Variants in PLIN5 observed in about 807,000 individuals in gnomAD.
The protein encoded by PLIN5 is perilipin 5.
In PLIN5, 34 loss-of-function variants were observed where a neutral mutation model predicts 32.8. That is an observed-to-expected ratio of 1.04 (90% CI 0.79 to 1.38). The LOEUF is 1.38. Among genes scored for constraint, PLIN5 ranks in the 40% most tolerant of loss-of-function variants. The pLI is 0.00. For missense variants in PLIN5, 712 were observed against 660.5 expected (o/e 1.08, Z -0.85); for synonymous variants, 309 against 292.9 (o/e 1.05, Z -0.56).
rs1976766135 is a variant in PLIN5, at chr19:4,523,946, G to A, written c.974C>T (p.Ala325Val). 1 of 1,529,928 alleles carries A rather than the reference G, an allele frequency of 6.5e-7. No individual in the cohort carries two copies. Among genetic ancestry groups the A allele is most frequent in the Non-Finnish European group, 8.7e-7 (1 of 1,146,108 alleles). 94.8% of individuals were successfully genotyped at this position (1,529,928 alleles called of 1,614,324 possible). ...KVAEVRRSVD[A>V]LQTAFADARC... Reference sequence around the variant, plus strand: ...GGCATCAGCGAAGGCGGTCTGCAGGGCATCCACACTGCGCCGCACCTCAGC... The same window carrying A: ...GGCATCAGCGAAGGCGGTCTGCAGGACATCCACACTGCGCCGCACCTCAGC... The change falls in exon 8 of 8, where the codon GCC becomes GTC. Residue 325 changes from alanine to valine, a missense_variant. By Grantham distance (64) the Ala-to-Val change is moderately conservative (BLOSUM62 0). Coordinates refer to ENST00000381848, the MANE Select transcript of PLIN5 (RefSeq NM_001013706.3). The surrounding 1 kb of genome is among the most constrained non-coding windows in gnomAD (Gnocchi z 5.0).
chr19:4,523,993 G>T lies in PLIN5; in HGVS notation c.927C>A (p.Pro309=). 12 of 1,524,584 alleles carry T rather than the reference G, an allele frequency of 7.9e-6. No homozygotes were observed. The highest frequency in any genetic ancestry group is 1.0e-5 in the Non-Finnish European group (12 of 1,143,296). 94.4% of individuals were successfully genotyped at this position (1,524,584 alleles called of 1,614,324 possible). ...CAGCCACCTTCTCCTGGGCGCCGGC[G>T]GGCAGGCCCCGCACGCTGGACTCCA... ...EALESSVRGL[P]AGAQEKVAEV... Residue 309 remains proline, a synonymous_variant, in exon 8 of 8, where the codon CCC becomes CCA. Transcript: ENST00000381848. This position sits in a 1 kb window ranked among gnomAD's most constrained non-coding sequence, Gnocchi z 5.0.
chr19:4,529,725 C>A, intron 4 of PLIN5, 59 bp downstream of exon 4: 31 of 1,141,844 alleles, frequency 2.7e-5, no homozygotes, highest in African/African-American at 4.6e-5. Flanking sequence ...CTCCCTCCCT[C>A]CCGCCTCTAA....
Position 4,524,102 on chromosome 19 carries a change from C to A in PLIN5, c.835-17G>T, listed in dbSNP as rs1339113485. 3 of 1,398,850 alleles carry A rather than the reference C, an allele frequency of 2.1e-6. No individual in the cohort carries two copies. The South Asian group carries it at 4.7e-5, about 22-fold the overall frequency. The allele number at this position is 1,398,850 out of a possible 1,614,324, so 86.7% of individuals were successfully genotyped here. On this transcript the variant is annotated splice_polypyrimidine_tract_variant and intron_variant, in intron 7 of 7. Transcript: ENST00000381848. ...CAGCTCTGCCTGCAGGGGGCGGGGA[C>A]CTCAGTTTCCCCTATGGACGCCCAG...
chr19:4,529,610 T>TACACACAC (rs56850019), intron 4 of PLIN5, 174 bp downstream of exon 4: 25,709 of 429,704 alleles, frequency 0.06, 653 homozygotes, highest in Admixed American at 0.1. Context: ...CATATATGTA[T>TACACACAC]ACACACACAC....
At chr19:4,529,491 CACACATAT>C (rs1269950780) in intron 4 of PLIN5, 2 of 540,978 alleles carry the variant, frequency 3.7e-6, no homozygotes. Context: ...TACACATATA[CACACATAT>C]ACATATATAC....
chr19:4,525,160 G>A lies in PLIN5; in HGVS notation c.721-84C>T. On this transcript the variant is annotated intron_variant, in intron 6 of 7. Coordinates refer to ENST00000381848, the MANE Select transcript of PLIN5 (RefSeq NM_001013706.3). The surrounding 1 kb of genome is among the most constrained non-coding windows in gnomAD (Gnocchi z 5.6). ...GGGTGGGGTCCAGGACCACTGATCT[G>A]GCCTCAGTAAGCATTTAGGAGACCG... 1 of 837,216 alleles carries A rather than the reference G, an allele frequency of 1.2e-6. No individual in the cohort carries two copies. Among genetic ancestry groups the A allele is most frequent in the Non-Finnish European group, 1.8e-6 (1 of 563,870 alleles). The allele number at this position is 837,216 out of a possible 1,614,324, so 51.9% of individuals were successfully genotyped here. A position where few individuals can be genotyped will look rare whatever the true frequency, so the allele number is the denominator to read the frequency against.
chr19:4,529,240 G>A lies in PLIN5; in HGVS notation c.353C>T (p.Ala118Val). The A allele has an allele frequency of 6.2e-7, 1 of 1,605,366 alleles. No homozygotes were observed. The highest frequency in any genetic ancestry group is 1.1e-5 in the South Asian group (1 of 90,316). ...QQPSETVVTS[A>V]KDVVASSVTG... is the part of the protein sequence containing the mutation. ...GACACTGCTGGCCACCACGTCCTTG[G>A]CTGAGGTCACCACCTGGAAGGAAGG... The change falls in exon 5 of 8, where the codon GCC (alanine) becomes GTC (valine). Residue 118 changes from alanine to valine, a missense_variant. By Grantham distance (64) the Ala-to-Val change is moderately conservative. Coordinates refer to ENST00000381848, the MANE Select transcript of PLIN5 (RefSeq NM_001013706.3).
chr19:4,529,098 G>C lies in PLIN5; in HGVS notation c.495C>G (p.Phe165Leu), dbSNP rs1345081954. Residue 165 changes from phenylalanine to leucine, a missense_variant, in exon 5 of 8, where the codon TTC becomes TTG. Physicochemically the swap from Phe to Leu is conservative, Grantham distance 22. Transcript: ENST00000381848. ...LEKSEELVDH[F>L]LPMTEEELAA... ...CGAGCTCTTCCTCCGTCATGGGCAG[G>C]AAGTGATCCACCAGCTCCTCTGATT... 1.1e-5 allele frequency: 17 copies of C among 1,613,360 alleles called. No individual in the cohort carries two copies. In the East Asian group the frequency reaches 3.8e-4, roughly 36 times the overall value.
At position 4,534,058 on chromosome 19, in the gene PLIN5, G is replaced by C. The variant is rs10407239; in HGVS notation, c.17C>G (p.Ala6Gly). 3.7e-6 allele frequency: 6 copies of C among 1,613,104 alleles called. No homozygotes were observed. Among genetic ancestry groups the C allele is most frequent in the Non-Finnish European group, 4.2e-6 (5 of 1,179,630 alleles). The change falls in exon 2 of 8, where the codon GCG (alanine) becomes GGG (glycine). Residue 6 changes from alanine (A) to glycine (G), a missense_variant. By Grantham distance (60) the Ala-to-Gly change is moderately conservative. Coordinates refer to ENST00000381848, the MANE Select transcript of PLIN5 (RefSeq NM_001013706.3). Reference sequence around the variant, plus strand: ...CACACTGGATCTGGGGATCTGAGCCGCCTCTTCTTCAGACATCGTGCTGCA... The same window carrying C: ...CACACTGGATCTGGGGATCTGAGCCCCCTCTTCTTCAGACATCGTGCTGCA... MSEEE[A>G]AQIPRSSVWE... is the part of the protein sequence containing the mutation.
At chr19:4,527,278 T>A (rs145155939) in intron 5 of PLIN5, among the ~76,000 whole-genome samples, 5,171 of 151,648 alleles carry the variant, frequency 0.034, 292 homozygotes, top group African/African-American at 0.12. Flanking sequence ...GGTTTCACCA[T>A]TCACAGGATG....
rs751980899 is a variant in PLIN5 at position 4,523,784 on chromosome 19, G to A, written c.1136C>T (p.Ala379Val). 17 of 1,597,538 alleles carry A rather than the reference G, an allele frequency of 1.1e-5. No homozygotes were observed. In the East Asian group the frequency reaches 1.1e-4, roughly 10 times the overall value. The stretch of plus-strand genomic sequence containing the variant: ...CTCGGGTCGCTCCACAAGGATGGGC[G>A]CGAAGGGTCCCACCAGCCAGGGCAG... ...VPLPWLVGPF[A>V]PILVERPEPL... The change falls in exon 8 of 8, where the codon GCG (alanine) becomes GTG (valine). Residue 379 changes from alanine to valine, a missense_variant. Coordinates refer to ENST00000381848, the MANE Select transcript of PLIN5 (RefSeq NM_001013706.3). This position sits in a 1 kb window ranked among gnomAD's most constrained non-coding sequence, Gnocchi z 5.0.
In PLIN5 at chr19:4,529,163, T is replaced by C; in HGVS notation, c.430A>G (p.Lys144Glu). The C allele has an allele frequency of 6.2e-7, 1 of 1,613,246 alleles. No homozygotes were observed. Among genetic ancestry groups the C allele is most frequent in the Non-Finnish European group, 8.5e-7 (1 of 1,179,940 alleles). Residue 144 changes from lysine (K) to glutamate (E), a missense_variant, in exon 5 of 8, where the codon AAG (lysine) becomes GAG (glutamate). Coordinates refer to ENST00000381848, the MANE Select transcript of PLIN5 (RefSeq NM_001013706.3). ...TCCACAGCATGGCTCACGGAGCGCT[T>C]CAGCTCCACGCTCCAGCGCCGGCCC... Reference protein sequence around the residue: ...RRGRRWSVELKRSVSHAVDVV... With the variant: ...RRGRRWSVELERSVSHAVDVV...
At chr19:4,530,004 A>T (rs1976864228) in intron 3 of PLIN5, 138 bp from the exon 4 acceptor site, 2 of 488,308 alleles carry the variant, frequency 4.1e-6, no homozygotes, top group African/African-American at 3.9e-5. Context: ...AGACAGGGAG[A>T]AACAAAACGG....
rs71168910 is a variant in PLIN5 at position 4,523,078 on chromosome 19, CT to C, written c.*449del. The C allele has an allele frequency of 0.34, 48,063 of 140,124 alleles. 8,688 individuals are homozygous for C. Among genetic ancestry groups the C allele is most frequent in the Admixed American group, 0.43 (6,203 of 14,442 alleles). The allele number at this position is 140,124 out of a possible 1,614,324, so 8.7% of individuals were successfully genotyped here. ...TACAGGTGCACACCACCACACCTGG[CT>C]TTTTTTTTTTTTTTCTTTCTTTCTA... On this transcript the variant is annotated 3_prime_UTR_variant, in exon 8 of 8. Coordinates refer to ENST00000381848, the MANE Select transcript of PLIN5 (RefSeq NM_001013706.3). This position sits in a 1 kb window ranked among gnomAD's most constrained non-coding sequence, Gnocchi z 5.0.
In PLIN5 at chr19:4,523,423, A is replaced by G; in HGVS notation, c.*105T>C. ...GATCCGGAGTTGGGCCTGATTCCAA[A>G]GAAGGGTCAAGGCCAAGGCCTCGAG... On this transcript the variant is annotated 3_prime_UTR_variant, in exon 8 of 8. Transcript: ENST00000381848. The surrounding 1 kb of genome is among the most constrained non-coding windows in gnomAD (Gnocchi z 5.0). The G allele has an allele frequency of 7.6e-7, 1 of 1,312,052 alleles. No homozygotes were observed. The highest frequency in any genetic ancestry group is 1.0e-6 in the Non-Finnish European group (1 of 976,170). The allele number at this position is 1,312,052 out of a possible 1,614,324, so 81.3% of individuals were successfully genotyped here.
In PLIN5 at chr19:4,524,002, C is replaced by G; in HGVS notation, c.918G>C (p.Arg306=). ...GTVEALESSV[R]GLPAGAQEKV... ...TCTCCTGGGCGCCGGCGGGCAGGCC[C>G]CGCACGCTGGACTCCAGAGCCTCTA... Residue 306 remains arginine, a synonymous_variant, in exon 8 of 8, where the codon CGG becomes CGC. Transcript: ENST00000381848. The G allele has an allele frequency of 6.6e-7, 1 of 1,521,332 alleles. No homozygotes were observed. The highest frequency in any genetic ancestry group is 8.8e-7 in the Non-Finnish European group (1 of 1,142,132). 94.2% of individuals were successfully genotyped at this position (1,521,332 alleles called of 1,614,324 possible). A position where few individuals can be genotyped will look rare whatever the true frequency, so the allele number is the denominator to read the frequency against.
rs756802059 is a variant in PLIN5 at position 4,534,075 on chromosome 19, C to G, written c.-1G>C. ...TCTGAGCCGCCTCTTCTTCAGACAT[C>G]GTGCTGCAAACAGGGTCACCCTGCG... On this transcript the variant is annotated 5_prime_UTR_variant, in exon 2 of 8. Transcript: ENST00000381848. 2 of 1,612,286 alleles carry G rather than the reference C, an allele frequency of 1.2e-6. No homozygotes were observed. Among genetic ancestry groups the G allele is most frequent in the Admixed American group, 1.7e-5 (1 of 59,830 alleles).
In PLIN5 at chr19:4,523,600, G is replaced by T. The variant is rs766172864; in HGVS notation, c.1320C>A (p.Asp440Glu). 6.2e-7 allele frequency: 1 copy of T among 1,607,070 alleles called. No homozygotes were observed. Among genetic ancestry groups the T allele is most frequent in the Non-Finnish European group, 8.5e-7 (1 of 1,177,416 alleles). ...GGGTCTCGGGTTCCTGCTCGCAGAT[G>T]TCCCCGGCAACACCCATCCTGTCCC... The part of the protein sequence containing the change: ...GDGDRMGVAG[D>E]ICEQEPETPS... The change falls in exon 8 of 8, where the codon GAC (aspartate) becomes GAA (glutamate). Residue 440 changes from aspartate to glutamate, a missense_variant. Physicochemically the swap from Asp to Glu is conservative, Grantham distance 45. Coordinates refer to ENST00000381848, the MANE Select transcript of PLIN5 (RefSeq NM_001013706.3). This position sits in a 1 kb window ranked among gnomAD's most constrained non-coding sequence, Gnocchi z 5.0.
chr19:4,531,366 C>T (rs897742910), intron 3 of PLIN5, among the ~76,000 whole-genome samples: 1 of 151,938 alleles, frequency 6.6e-6, no homozygotes, highest in Non-Finnish European at 1.5e-5. Flanking sequence ...TGGTCTTGAA[C>T]TCCTGGCCTC....
Sources: allele counts gnomAD v4.1 joint callset (sites outside exome capture counted in the v4.1 genomes callset), GRCh38; gene constraint gnomAD v4.1.1; non-coding constraint Gnocchi (gnomAD v3.1); transcripts MANE v1.5; gene names NCBI Gene and HGNC (gene_info 2026-07-23, HGNC 2026-07-21).